The following GLYATL3 variants were observed in gnomAD, a reference collection of about 807,000 sequenced individuals.
GLYATL3 encodes the protein glycine-N-acyltransferase like 3.
In GLYATL3, 31 loss-of-function variants were observed where a neutral mutation model predicts 28.5. The observed-to-expected ratio is 1.09, with a 90% CI of 0.82 to 1.47. GLYATL3 has a LOEUF of 1.47. Ranked by LOEUF, GLYATL3 falls within the 40% of genes most tolerant of loss-of-function variation. The pLI is 0.00. For missense variants in GLYATL3, 369 were observed against 351.5 expected (o/e 1.05, Z -0.40); for synonymous variants, 141 against 140.2 (o/e 1.01, Z -0.04).
Position 49,527,100 on chromosome 6 carries a change from A to G in GLYATL3, c.*186A>G, listed in dbSNP as rs1309982495. Reference sequence around the variant, plus strand: ...CGTATCTCAGGTTTCTCCAGTAAATAGCTGTGGGGGTGAAGAGTAGCTGTG... The same window carrying G: ...CGTATCTCAGGTTTCTCCAGTAAATGGCTGTGGGGGTGAAGAGTAGCTGTG... On this transcript the variant is annotated 3_prime_UTR_variant, in exon 6 of 6. Transcript: ENST00000371197. 5.4e-6 allele frequency: 3 copies of G among 558,232 alleles called. No individual in the cohort carries two copies. Among genetic ancestry groups the G allele is most frequent in the Non-Finnish European group, 9.4e-6 (3 of 317,662 alleles). The allele number at this position is 558,232 out of a possible 1,614,324, so 34.6% of individuals were successfully genotyped here.
chr6:49,503,942 GGACA>G (rs1309200125), intron 1 of GLYATL3, among the ~76,000 whole-genome samples: 1 of 152,186 alleles, frequency 6.6e-6, no homozygotes, highest in African/African-American at 2.4e-5. Flanking sequence ...AGGTTGGGCA[GGACA>G]ACGATCGTCT....
intron 1 of GLYATL3, among the ~76,000 whole-genome samples, chr6:49,505,031 A>T (rs191124203): frequency 6.6e-6 from 1 of 152,314 alleles, no homozygotes; most frequent in East Asian, 1.9e-4. Context: ...CATCGAGAAC[A>T]GTGTTGTACA....
intron 2 of GLYATL3, 140 bp from the exon 3 acceptor site, chr6:49,515,513 G>T: frequency 1.9e-6 from 1 of 532,988 alleles, no homozygotes; most frequent in East Asian, 3.0e-5. Context: ...TCTATTATGT[G>T]TCTGAATGTA....
rs140942105 is a variant in GLYATL3 at position 49,523,455 on chromosome 6, G to T, written c.440+1684G>T. ...TAGCACAGACTGATTTCCTAGACTCGCAGAAGGAAAGCCAATGTTCAGCAA... is the reference window on the plus strand; with the variant it reads ...TAGCACAGACTGATTTCCTAGACTCTCAGAAGGAAAGCCAATGTTCAGCAA... On this transcript the variant is annotated intron_variant, in intron 5 of 5. Transcript: ENST00000371197. 2.0e-5 allele frequency among the ~76,000 whole-genome samples: 3 copies of T among 152,214 alleles called. No individual in the cohort carries two copies. In the South Asian group the frequency reaches 6.2e-4, roughly 32 times the overall value.
intron 1 of GLYATL3, among the ~76,000 whole-genome samples, chr6:49,501,207 C>T (rs1366995966): frequency 6.6e-6 from 1 of 152,092 alleles, no homozygotes; most frequent in Non-Finnish European, 1.5e-5. Flanking sequence ...TGAGATCAGC[C>T]TAGCCAACAT....
intron 5 of GLYATL3, among the ~76,000 whole-genome samples, chr6:49,525,258 A>G (rs1769387228): frequency 6.6e-6 from 1 of 151,880 alleles, no homozygotes; most frequent in Non-Finnish European, 1.5e-5. Context: ...AAAACTTTAG[A>G]CAGATTAAAT....
At position 49,527,101 on chromosome 6, in the gene GLYATL3, G is replaced by T; in HGVS notation, c.*187G>T. The T allele has an allele frequency of 1.8e-6, 1 of 553,866 alleles. No homozygotes were observed. The highest frequency in any genetic ancestry group is 3.2e-6 in the Non-Finnish European group (1 of 315,006). The allele number at this position is 553,866 out of a possible 1,614,324, so 34.3% of individuals were successfully genotyped here. On this transcript the variant is annotated 3_prime_UTR_variant, in exon 6 of 6. Transcript: ENST00000371197. ...GTATCTCAGGTTTCTCCAGTAAATA[G>T]CTGTGGGGGTGAAGAGTAGCTGTGG... is the stretch of plus-strand genomic sequence containing the variant.
At chr6:49,507,181 A>G (rs1320751994) in intron 1 of GLYATL3, among the ~76,000 whole-genome samples, 2 of 152,090 alleles carry the variant, frequency 1.3e-5, no homozygotes, top group African/African-American at 4.8e-5. Context: ...GGGGTCAGCT[A>G]CCCAAGGTAA....
In GLYATL3 at chr6:49,527,806, A is replaced by G. The variant is rs1045154175; in HGVS notation, c.*892A>G. ...GAATATATAACATATATGCATACACATATATATACATTCTCTTCATTTCTT... is the reference window on the plus strand; with the variant it reads ...GAATATATAACATATATGCATACACGTATATATACATTCTCTTCATTTCTT... On this transcript the variant is annotated 3_prime_UTR_variant, in exon 6 of 6. Coordinates refer to ENST00000371197, the MANE Select transcript of GLYATL3 (RefSeq NM_001010904.2). Among the ~76,000 whole-genome samples, 3 of 152,204 alleles carry G rather than the reference A, an allele frequency of 2.0e-5. No homozygotes were observed. Among genetic ancestry groups the G allele is most frequent in the African/African-American group, 7.2e-5 (3 of 41,452 alleles).
At chr6:49,515,162 C>G (rs905244528) in intron 2 of GLYATL3, among the ~76,000 whole-genome samples, 1 of 152,116 alleles carries the variant, frequency 6.6e-6, no homozygotes, top group Non-Finnish European at 1.5e-5. Context: ...GTGTCACCCT[C>G]TAATGATGTC....
chr6:49,520,111 T>C (rs911949926), intron 4 of GLYATL3, among the ~76,000 whole-genome samples: 1 of 152,116 alleles, frequency 6.6e-6, no homozygotes, highest in Non-Finnish European at 1.5e-5. Context: ...AAGTCGTAAC[T>C]TGTAAAGAAG....
At chr6:49,509,064 G>A (rs963187767) in intron 1 of GLYATL3, among the ~76,000 whole-genome samples, 1 of 152,136 alleles carries the variant, frequency 6.6e-6, no homozygotes, top group Non-Finnish European at 1.5e-5. Context: ...ACAAGTAAAT[G>A]TTAGAAGAAA....
intron 1 of GLYATL3, among the ~76,000 whole-genome samples, chr6:49,507,094 T>C (rs1769023908): frequency 6.6e-6 from 1 of 152,042 alleles, no homozygotes; most frequent in South Asian, 2.1e-4. Flanking sequence ...GTGGGGATCA[T>C]CATCAGGTTC....
At chr6:49,508,808 G>A (rs1041591754) in intron 1 of GLYATL3, among the ~76,000 whole-genome samples, 19 of 152,060 alleles carry the variant, frequency 1.2e-4, no homozygotes, top group African/African-American at 4.6e-4. Context: ...TTCATCTTTT[G>A]TTCCATAGCA....
chr6:49,506,826 A>T (rs998853535), intron 1 of GLYATL3, among the ~76,000 whole-genome samples: 1 of 152,058 alleles, frequency 6.6e-6, no homozygotes, highest in Non-Finnish European at 1.5e-5. Context: ...ATCTATTGTG[A>T]AGGGGCAGGG....
At chr6:49,525,151 A>C (rs1298268425) in intron 5 of GLYATL3, among the ~76,000 whole-genome samples, 1 of 150,286 alleles carries the variant, frequency 6.7e-6, no homozygotes, top group Non-Finnish European at 1.5e-5. Flanking sequence ...GGACTTACCA[A>C]GGCCTCAGAG....
chr6:49,509,545 A>T (rs753890504), intron 1 of GLYATL3, among the ~76,000 whole-genome samples: 20 of 152,206 alleles, frequency 1.3e-4, no homozygotes, highest in Admixed American at 5.9e-4. Context: ...AAGCACAAAA[A>T]CTTGAAAAAC....
intron 4 of GLYATL3, 26 bp downstream of exon 4, chr6:49,517,582 T>C: frequency 6.6e-7 from 1 of 1,525,032 alleles, no homozygotes; most frequent in South Asian, 1.3e-5. Context: ...AGACTTATAT[T>C]ACACAGTCTT....
intron 1 of GLYATL3, among the ~76,000 whole-genome samples, chr6:49,507,212 C>T (rs946425715): frequency 1.3e-5 from 2 of 152,012 alleles, no homozygotes; most frequent in South Asian, 2.1e-4. Flanking sequence ...TCATCATCCA[C>T]GTTAACTTGT....
Sources: gnomAD v4.1 joint callset for allele counts (sites outside exome capture counted in the v4.1 genomes callset) on GRCh38, gnomAD v4.1.1 for gene constraint, MANE v1.5 for transcripts, NCBI Gene and HGNC (gene_info 2026-07-23, HGNC 2026-07-21) for gene names.